Variants in PGCKA1 observed in about 807,000 individuals in gnomAD.
PGCKA1 encodes the protein PDCD10 and GCKIII kinases associated 1.
chr4:37,580,335 G>A, the PGCKA1 span, among the ~76,000 whole-genome samples: 1 of 120,050 alleles, frequency 8.3e-6, no homozygotes, highest in Non-Finnish European at 1.6e-5. Context: ...TGGTCTTCAT[G>A]TTTGTGGATG....
At chr4:37,503,931 C>T in the PGCKA1 span, among the ~76,000 whole-genome samples, 1 of 152,052 alleles carries the variant, frequency 6.6e-6, no homozygotes, top group African/African-American at 2.4e-5. Flanking sequence ...TGATTATTTC[C>T]TTTGCTGTGC....
the PGCKA1 span, among the ~76,000 whole-genome samples, chr4:37,494,577 A>G: frequency 6.6e-6 from 1 of 152,222 alleles, no homozygotes; most frequent in African/African-American, 2.4e-5. Flanking sequence ...ACAGTGCTGC[A>G]GTGAACATAT....
the PGCKA1 span, among the ~76,000 whole-genome samples, chr4:37,466,989 T>G: frequency 1.3e-5 from 2 of 152,050 alleles, no homozygotes; most frequent in Non-Finnish European, 2.9e-5. Context: ...TCCCAGCTAC[T>G]TGGGAGGCCG....
chr4:37,575,838 C>T, the PGCKA1 span, among the ~76,000 whole-genome samples: 27 of 152,262 alleles, frequency 1.8e-4, 1 homozygote, highest in South Asian at 2.9e-3. Flanking sequence ...TTTCCCAGCA[C>T]CATTTACTGA....
the PGCKA1 span, among the ~76,000 whole-genome samples, chr4:37,564,807 C>A: frequency 6.6e-6 from 1 of 151,984 alleles, no homozygotes; most frequent in Non-Finnish European, 1.5e-5. Context: ...GTGCCCAGCC[C>A]GGTGTCTGAC....
the PGCKA1 span, chr4:37,588,661 C>T: frequency 9.1e-6 from 5 of 547,766 alleles, no homozygotes; most frequent in South Asian, 4.9e-5. Flanking sequence ...AACTCTGAAG[C>T]GGTGATGGAA....
the PGCKA1 span, among the ~76,000 whole-genome samples, chr4:37,536,410 G>T: frequency 1.3e-5 from 2 of 152,108 alleles, no homozygotes; most frequent in Non-Finnish European, 2.9e-5. Flanking sequence ...TGTAGGCCAG[G>T]AATCTGGGCG....
At chr4:37,497,270 T>C in the PGCKA1 span, among the ~76,000 whole-genome samples, 1 of 152,206 alleles carries the variant, frequency 6.6e-6, no homozygotes, top group African/African-American at 2.4e-5. Context: ...AATTTATTCC[T>C]TTTTATGGTT....
At chr4:37,531,631 G>T in the PGCKA1 span, among the ~76,000 whole-genome samples, 1,772 of 151,774 alleles carry the variant, frequency 0.012, 60 homozygotes, top group East Asian at 0.12. Context: ...GGTGGCTCAC[G>T]CCTGTAATCC....
the PGCKA1 span, among the ~76,000 whole-genome samples, chr4:37,587,318 TG>T: frequency 6.6e-6 from 1 of 152,188 alleles, no homozygotes; most frequent in Admixed American, 6.5e-5. Flanking sequence ...ATTTGGGGGC[TG>T]GGGTGGCATA....
chr4:37,463,406 C>A, the PGCKA1 span, among the ~76,000 whole-genome samples: 2 of 152,188 alleles, frequency 1.3e-5, no homozygotes, highest in Non-Finnish European at 2.9e-5. Flanking sequence ...TATCTGCATT[C>A]TCTTTTAAAC....
chr4:37,533,236 T>C, the PGCKA1 span, among the ~76,000 whole-genome samples: 5 of 152,378 alleles, frequency 3.3e-5, no homozygotes, highest in Admixed American at 2.0e-4. Context: ...TAATGCACTT[T>C]ACATGTTAAT....
chr4:37,579,469 T>C, the PGCKA1 span, among the ~76,000 whole-genome samples: 1 of 152,236 alleles, frequency 6.6e-6, no homozygotes, highest in Non-Finnish European at 1.5e-5. Flanking sequence ...TGATGAAATC[T>C]CTCAGCTTCT....
chr4:37,582,779 G>C, the PGCKA1 span, among the ~76,000 whole-genome samples: 1 of 152,120 alleles, frequency 6.6e-6, no homozygotes, highest in Non-Finnish European at 1.5e-5. Context: ...TGTATGCCGG[G>C]TTTCTCCAAC....
the PGCKA1 span, among the ~76,000 whole-genome samples, chr4:37,561,194 A>G: frequency 6.6e-6 from 1 of 152,256 alleles, no homozygotes; most frequent in African/African-American, 2.4e-5. Flanking sequence ...CTTCTTGATA[A>G]TAAAGCCCAA....
the PGCKA1 span, among the ~76,000 whole-genome samples, chr4:37,526,919 A>G: frequency 6.6e-6 from 1 of 152,208 alleles, no homozygotes; most frequent in Non-Finnish European, 1.5e-5. Context: ...GAGGTATTCC[A>G]GAAGAAGACA....
chr4:37,564,092 G>A, the PGCKA1 span, among the ~76,000 whole-genome samples: 1 of 151,900 alleles, frequency 6.6e-6, no homozygotes, highest in South Asian at 2.1e-4. Context: ...GGCCAACATA[G>A]TGAAACCCTG....
At chr4:37,568,027 C>T in the PGCKA1 span, among the ~76,000 whole-genome samples, 2 of 152,144 alleles carry the variant, frequency 1.3e-5, no homozygotes, top group African/African-American at 4.8e-5. Flanking sequence ...AATGTGTTTC[C>T]ACATTCAACA....
At chr4:37,579,917 T>C in the PGCKA1 span, among the ~76,000 whole-genome samples, 1 of 152,220 alleles carries the variant, frequency 6.6e-6, no homozygotes, top group African/African-American at 2.4e-5. Context: ...GATTTGCCCT[T>C]TTGAGGCTAT....
Sources: allele counts gnomAD v4.1 joint callset (sites outside exome capture counted in the v4.1 genomes callset), GRCh38; gene constraint gnomAD v4.1.1; transcripts MANE v1.5; gene names NCBI Gene and HGNC (gene_info 2026-07-23, HGNC 2026-07-21).